The following SCARA5 variants were observed in gnomAD, a reference collection of about 807,000 sequenced individuals.
SCARA5 encodes scavenger receptor class A, member 5 (putative).
SCARA5 carries 45 observed loss-of-function variants against 46.3 expected under a neutral mutation model. That is an observed-to-expected ratio of 0.97 (90% CI 0.76 to 1.24). SCARA5 has a LOEUF of 1.24. Ranked by LOEUF, SCARA5 falls within the 50% of genes most tolerant of loss-of-function variation. The pLI is 0.00. For synonymous variants in SCARA5, 333 were observed against 306.5 expected (o/e 1.09, Z -0.90); for missense variants, 680 against 689.0 (o/e 0.99, Z 0.15).
intron 4 of SCARA5, among the ~76,000 whole-genome samples, chr8:27,921,287 C>T (rs1008719067): frequency 6.6e-6 from 1 of 152,236 alleles, no homozygotes. Context: ...ACAACTGGAG[C>T]AAACTCTCAC....
chr8:27,973,261 G>A (rs1808474218), intron 2 of SCARA5, among the ~76,000 whole-genome samples: 1 of 152,120 alleles, frequency 6.6e-6, no homozygotes, highest in African/African-American at 2.4e-5. Context: ...CAGATCACTT[G>A]AGGTCAGGAG....
At chr8:27,958,595 A>G (rs1808242196) in intron 3 of SCARA5, among the ~76,000 whole-genome samples, 1 of 152,250 alleles carries the variant, frequency 6.6e-6, no homozygotes, top group East Asian at 1.9e-4. Flanking sequence ...CATGGTTGGG[A>G]CACTGGCTCC....
chr8:27,916,747 A>G (rs1334309733), intron 4 of SCARA5, among the ~76,000 whole-genome samples: 2 of 152,224 alleles, frequency 1.3e-5, no homozygotes, highest in African/African-American at 4.8e-5. Context: ...GAGGCAGGAA[A>G]GACCCTAGAT....
intron 7 of SCARA5, among the ~76,000 whole-genome samples, chr8:27,892,632 C>T (rs186650175): frequency 0.014 from 1,518 of 111,150 alleles, 33 homozygotes; most frequent in African/African-American, 0.045. Flanking sequence ...TTTTTTGAGA[C>T]GGAGTCAAGC....
chr8:27,922,021 GC>G lies in SCARA5; in HGVS notation c.465del (p.Leu156CysfsTer44). 2 of 1,570,994 alleles carry G rather than the reference GC, an allele frequency of 1.3e-6. No homozygotes were observed. The highest frequency in any genetic ancestry group is 1.7e-6 in the Non-Finnish European group (2 of 1,165,786). On this transcript the variant is annotated frameshift_variant, in exon 4 of 9. Transcript: ENST00000354914. LOFTEE classifies it high-confidence loss of function. Reference protein sequence around the residue: ...AVQRLEGALWGLQAQAVQTEQ... With the variant: ...AVQRLEGALWXLQAQAVQTEQ... ...TCGGTCTGCACCGCCTGCGCCTGCA[GC>G]CCCCACAGCGCGCCCTCCAGCCGCT...
At chr8:27,887,584 C>A (rs917746267) in intron 7 of SCARA5, among the ~76,000 whole-genome samples, 1 of 152,174 alleles carries the variant, frequency 6.6e-6, no homozygotes, top group Non-Finnish European at 1.5e-5. Context: ...ACAGCTTATT[C>A]CAATCCCCAT....
chr8:27,924,498 G>C (rs913993983), intron 3 of SCARA5, among the ~76,000 whole-genome samples: 1 of 152,186 alleles, frequency 6.6e-6, no homozygotes, highest in South Asian at 2.1e-4. Context: ...AGGGCTGAAG[G>C]GGTCTTGGAG....
chr8:27,879,491 A>C, intron 8 of SCARA5, 78 bp downstream of exon 8: 6 of 1,398,610 alleles, frequency 4.3e-6, no homozygotes, highest in Non-Finnish European at 6.0e-6. Flanking sequence ...AGTGGAAGGG[A>C]CTCGGGCTTT....
intron 7 of SCARA5, among the ~76,000 whole-genome samples, chr8:27,891,991 C>T (rs1220888029): frequency 1.3e-5 from 2 of 152,360 alleles, no homozygotes; most frequent in East Asian, 3.9e-4. Flanking sequence ...GTGCCATGCT[C>T]ACAGCCCATG....
Position 27,871,773 on chromosome 8 carries a change from T to C in SCARA5, c.*161A>G. 8 of 1,461,010 alleles carry C rather than the reference T, an allele frequency of 5.5e-6. No individual in the cohort carries two copies. Among genetic ancestry groups the C allele is most frequent in the Non-Finnish European group, 7.2e-6 (8 of 1,108,932 alleles). 90.5% of individuals were successfully genotyped at this position (1,461,010 alleles called of 1,614,324 possible). Reference sequence around the variant, plus strand: ...TCGGAGCACATGTTCAAGAGGGAAATGACGACCGGCCCCCACGGTCCTGGG... The same window carrying C: ...TCGGAGCACATGTTCAAGAGGGAAACGACGACCGGCCCCCACGGTCCTGGG... On this transcript the variant is annotated 3_prime_UTR_variant, in exon 9 of 9. Coordinates refer to ENST00000354914, the MANE Select transcript of SCARA5 (RefSeq NM_173833.6).
At chr8:27,924,506 G>A (rs189107978) in intron 3 of SCARA5, among the ~76,000 whole-genome samples, 1,561 of 152,282 alleles carry the variant, frequency 0.01, 11 homozygotes, top group Non-Finnish European at 0.015. Flanking sequence ...AGGGGTCTTG[G>A]AGCCTTGCCT....
intron 8 of SCARA5, among the ~76,000 whole-genome samples, chr8:27,877,799 G>A (rs1474486619): frequency 2.6e-5 from 4 of 152,252 alleles, no homozygotes; most frequent in East Asian, 1.9e-4. Flanking sequence ...CCCTTAAGAC[G>A]GCACTCCCTG....
intron 7 of SCARA5, 129 bp from the exon 8 acceptor site, chr8:27,879,895 T>C (rs1284806987): frequency 6.1e-6 from 5 of 826,260 alleles, no homozygotes; most frequent in Non-Finnish European, 9.4e-6. Flanking sequence ...TATCAAGACT[T>C]CAGCCCCCAA....
In SCARA5 at chr8:27,940,180, G is replaced by A. The variant is rs923379670; in HGVS notation, c.242-17935C>T. On this transcript the variant is annotated intron_variant, in intron 3 of 8. Coordinates refer to ENST00000354914, the MANE Select transcript of SCARA5 (RefSeq NM_173833.6). ...CCCCACTGGTGATTTTCTCAAATTCGTCTTTCTTCACTTGTTGAGCCGGTC... is the reference window on the plus strand; with the variant it reads ...CCCCACTGGTGATTTTCTCAAATTCATCTTTCTTCACTTGTTGAGCCGGTC... Among the ~76,000 whole-genome samples the A allele has an allele frequency of 5.3e-5, 8 of 152,152 alleles. No individual in the cohort carries two copies. The East Asian group carries it at 7.7e-4, about 15-fold the overall frequency.
intron 2 of SCARA5, among the ~76,000 whole-genome samples, chr8:27,977,324 G>A (rs1808540800): frequency 1.3e-5 from 2 of 151,806 alleles, no homozygotes; most frequent in South Asian, 4.2e-4. Flanking sequence ...GACTCCCCAG[G>A]CCCCCCCATC....
At chr8:27,969,150 G>C (rs574552632) in intron 2 of SCARA5, among the ~76,000 whole-genome samples, 59 of 152,290 alleles carry the variant, frequency 3.9e-4, no homozygotes, top group Non-Finnish European at 6.3e-4. Flanking sequence ...AGTCACAAAG[G>C]CTGCCCAAAA....
intron 7 of SCARA5, chr8:27,885,891 G>A (rs1806887317): frequency 6.5e-6 from 1 of 154,054 alleles, no homozygotes; most frequent in South Asian, 2.0e-4. Context: ...GTATATAGAA[G>A]TGATAGAAGA....
chr8:27,941,800 CATTATTATTATTATTATT>C (rs71536304), intron 3 of SCARA5, among the ~76,000 whole-genome samples: 1 of 135,302 alleles, frequency 7.4e-6, no homozygotes, highest in East Asian at 2.1e-4. Context: ...TTTACATCAT[CATTATTATTATTATTATT>C]ATTATTATTA....
intron 8 of SCARA5, among the ~76,000 whole-genome samples, chr8:27,873,351 GA>G (rs1309513347): frequency 3.5e-4 from 54 of 152,150 alleles, no homozygotes; most frequent in Admixed American, 2.1e-3. Flanking sequence ...AAGAAGACAG[GA>G]ATGTCAGGTC....
Sources: gnomAD v4.1 joint callset for allele counts (sites outside exome capture counted in the v4.1 genomes callset) on GRCh38, gnomAD v4.1.1 for gene constraint, MANE v1.5 for transcripts, NCBI Gene and HGNC (gene_info 2026-07-23, HGNC 2026-07-21) for gene names.